Variants in TMEM196 observed in about 807,000 individuals in gnomAD.
TMEM196 encodes the protein transmembrane protein 196.
TMEM196 carries 17 observed loss-of-function variants against 20.0 expected under a neutral mutation model. The observed-to-expected ratio is 0.85, with a 90% CI of 0.58 to 1.27. The LOEUF is 1.27. Among genes scored for constraint, TMEM196 ranks in the 50% most tolerant of loss-of-function variants. The pLI is 0.00. For synonymous variants in TMEM196, 113 were observed against 88.9 expected, an observed-to-expected ratio of 1.27 and a Z score of -1.52; for missense variants, 267 against 223.0, an observed-to-expected ratio of 1.20 and a Z score of -1.26.
rs577582822 is a variant in TMEM196 at position 19,727,337 on chromosome 7, G to T, written c.205-1569C>A. Among the ~76,000 whole-genome samples the T allele has an allele frequency of 3.3e-5, 5 of 152,232 alleles. No individual in the cohort carries two copies. The East Asian group carries it at 9.7e-4, about 29-fold the overall frequency. On this transcript the variant is annotated intron_variant, in intron 2 of 4. Coordinates refer to ENST00000405844, the MANE Select transcript of TMEM196 (RefSeq NM_001363562.2). ...GAATTTAGCCCAGCCAAGATTTTTGGAGAAGGCTTTCTTGAGAATATGTCA... is the reference window on the plus strand; with the variant it reads ...GAATTTAGCCCAGCCAAGATTTTTGTAGAAGGCTTTCTTGAGAATATGTCA...
intron 1 of TMEM196, among the ~76,000 whole-genome samples, chr7:19,737,129 A>G (rs1784433284): frequency 6.6e-6 from 1 of 152,036 alleles, no homozygotes; most frequent in Non-Finnish European, 1.5e-5. Flanking sequence ...AAGAAAACAA[A>G]CAACTGAATT....
At chr7:19,764,799 G>A (rs1785561079) in intron 1 of TMEM196, among the ~76,000 whole-genome samples, 1 of 152,088 alleles carries the variant, frequency 6.6e-6, no homozygotes, top group East Asian at 1.9e-4. Flanking sequence ...CTTGTTGATT[G>A]ATTGACTGTG....
intron 1 of TMEM196, among the ~76,000 whole-genome samples, chr7:19,754,218 T>A (rs1785110101): frequency 6.6e-6 from 1 of 152,198 alleles, no homozygotes; most frequent in African/African-American, 2.4e-5. Flanking sequence ...TAGCTGTAAA[T>A]GTTAAATAAA....
At chr7:19,749,511 T>C (rs1362834803) in intron 1 of TMEM196, among the ~76,000 whole-genome samples, 2 of 152,052 alleles carry the variant, frequency 1.3e-5, no homozygotes, top group Non-Finnish European at 2.9e-5. Context: ...CTAAATGTCC[T>C]GGAAAGTTCT....
chr7:19,734,967 AAT>A (rs1784346062), intron 1 of TMEM196, among the ~76,000 whole-genome samples: 1 of 152,194 alleles, frequency 6.6e-6, no homozygotes, highest in Non-Finnish European at 1.5e-5. Context: ...AAAAACAGTA[AAT>A]ATATGGAAAA....
Position 19,733,406 on chromosome 7 carries a change from A to G in TMEM196, c.148-3968T>C, listed in dbSNP as rs540538127. Among the ~76,000 whole-genome samples, 4 of 152,312 alleles carry G rather than the reference A, an allele frequency of 2.6e-5. 1 individual carries two copies. The highest frequency in any genetic ancestry group is 4.1e-4 in the South Asian group (2 of 4,828). On this transcript the variant is annotated intron_variant, in intron 1 of 4. Transcript: ENST00000405844. ...CAAGACAATGAGATAACTTCAATTC[A>G]AAGAGGGAAATCTTCTCCAAGAAAG...
At chr7:19,740,017 G>A (rs562137910) in intron 1 of TMEM196, among the ~76,000 whole-genome samples, 1 of 152,224 alleles carries the variant, frequency 6.6e-6, no homozygotes, top group South Asian at 2.1e-4. Flanking sequence ...CAAGTGAGAA[G>A]TTATCCAACA....
chr7:19,751,962 A>C (rs17452644), intron 1 of TMEM196, among the ~76,000 whole-genome samples: 2,838 of 152,248 alleles, frequency 0.019, 48 homozygotes, highest in South Asian at 0.063. Context: ...GATTTCAAGG[A>C]TTGTAAGTGG....
At chr7:19,737,905 A>AT (rs1220651889) in intron 1 of TMEM196, among the ~76,000 whole-genome samples, 1 of 152,036 alleles carries the variant, frequency 6.6e-6, no homozygotes, top group Non-Finnish European at 1.5e-5. Flanking sequence ...CGTCTAAACA[A>AT]TTTTTTAAAA....
At chr7:19,754,510 A>G (rs1785121498) in intron 1 of TMEM196, among the ~76,000 whole-genome samples, 1 of 152,228 alleles carries the variant, frequency 6.6e-6, no homozygotes, top group Non-Finnish European at 1.5e-5. Context: ...TACAGATGGG[A>G]ATCTTTTACA....
intron 1 of TMEM196, among the ~76,000 whole-genome samples, chr7:19,739,615 C>T (rs1416793843): frequency 6.6e-6 from 1 of 151,940 alleles, no homozygotes; most frequent in Non-Finnish European, 1.5e-5. Context: ...AAGCAAAAGA[C>T]TAATTTCCCT....
chr7:19,760,295 T>G (rs569652159), intron 1 of TMEM196, among the ~76,000 whole-genome samples: 6 of 151,984 alleles, frequency 3.9e-5, no homozygotes, highest in African/African-American at 1.4e-4. Context: ...GATGCTTTCC[T>G]GATTTTCCCA....
chr7:19,724,230 G>T, intron 4 of TMEM196, 50 bp downstream of exon 4: 2 of 1,485,720 alleles, frequency 1.3e-6, no homozygotes, highest in Non-Finnish European at 1.8e-6. Context: ...AAGGGGAAGT[G>T]CTTTCTGCAG....
chr7:19,772,762 C>T lies in TMEM196; in HGVS notation c.-66G>A. Reference sequence around the variant, plus strand: ...CAACCATCTACCTTTTTTTCTTCCACTATCCTCCTTACCCCTTCCACCCCC... The same window carrying T: ...CAACCATCTACCTTTTTTTCTTCCATTATCCTCCTTACCCCTTCCACCCCC... On this transcript the variant is annotated 5_prime_UTR_variant, in exon 1 of 5. The change creates a new upstream start codon in the 5' untranslated region. Coordinates refer to ENST00000405844, the MANE Select transcript of TMEM196 (RefSeq NM_001363562.2). The T allele has an allele frequency of 7.1e-7, 1 of 1,400,166 alleles. No individual in the cohort carries two copies. The highest frequency in any genetic ancestry group is 9.4e-7 in the Non-Finnish European group (1 of 1,061,614). 86.7% of individuals were successfully genotyped at this position (1,400,166 alleles called of 1,614,324 possible).
Position 19,763,314 on chromosome 7 carries a change from ATAT to A in TMEM196, c.147+9233_147+9235del, listed in dbSNP as rs376556892. Among the ~76,000 whole-genome samples, 162 of 152,308 alleles carry A rather than the reference ATAT, an allele frequency of 1.1e-3. 2 individuals carry two copies. Among genetic ancestry groups the A allele is most frequent in the African/African-American group, 3.7e-3 (153 of 41,566 alleles). On this transcript the variant is annotated intron_variant, in intron 1 of 4. Transcript: ENST00000405844. The stretch of plus-strand genomic sequence containing the variant: ...GCCATTGCTGTTATCAACATCATTG[ATAT>A]TATTTTAATTCCTCAGAATAATCCA...
At chr7:19,744,370 CTT>C (rs1784677590) in intron 1 of TMEM196, among the ~76,000 whole-genome samples, 1 of 152,052 alleles carries the variant, frequency 6.6e-6, no homozygotes, top group African/African-American at 2.4e-5. Context: ...TAAAAAATAA[CTT>C]ATACTCTCTA....
At chr7:19,725,317 C>T (rs571163285) in intron 3 of TMEM196, among the ~76,000 whole-genome samples, 197 bp downstream of exon 3, 1 of 152,154 alleles carries the variant, frequency 6.6e-6, no homozygotes, top group Non-Finnish European at 1.5e-5. Context: ...AGACAGACTA[C>T]AAAATGTTGT....
chr7:19,723,069 T>A (rs1783866140), intron 4 of TMEM196, among the ~76,000 whole-genome samples: 1 of 152,174 alleles, frequency 6.6e-6, no homozygotes, highest in Non-Finnish European at 1.5e-5. Context: ...ATTATTTTAT[T>A]TCTATATCTA....
intron 1 of TMEM196, among the ~76,000 whole-genome samples, chr7:19,771,348 T>C (rs529279405): frequency 2.8e-4 from 43 of 152,310 alleles, no homozygotes; most frequent in African/African-American, 9.6e-4. Flanking sequence ...TTTTTCTTTT[T>C]TGTAGTTCTG....
Sources: allele counts gnomAD v4.1 joint callset (sites outside exome capture counted in the v4.1 genomes callset), GRCh38; gene constraint gnomAD v4.1.1; transcripts MANE v1.5; gene names NCBI Gene and HGNC (gene_info 2026-07-23, HGNC 2026-07-21).